The following DNAH6 variants were observed in gnomAD, a reference collection of about 807,000 sequenced individuals.
DNAH6 encodes the protein dynein axonemal heavy chain 6, also known as axonemal beta dynein heavy chain 6.
A neutral mutation model predicts 491.4 loss-of-function variants in DNAH6; 340 were observed. The ratio of observed to expected loss-of-function variants is 0.69; its 90% CI spans 0.63 to 0.76. The LOEUF is 0.76. Ranked by LOEUF, DNAH6 falls within the 30% of genes least tolerant of loss-of-function variation. DNAH6 has a pLI of 0.00. For missense variants in DNAH6, 4,443 were observed against 4,972.2 expected (o/e 0.89, Z 3.20); for synonymous variants, 1,603 against 1,686.1 (o/e 0.95, Z 1.21).
chr2:84,686,383 C>A, intron 43 of DNAH6, 101 bp from the exon 44 acceptor site: 1 of 695,128 alleles, frequency 1.4e-6, no homozygotes, highest in Non-Finnish European at 2.5e-6. Context: ...TTAATTAAGT[C>A]TTCTAAGTAA....
intron 21 of DNAH6, among the ~76,000 whole-genome samples, chr2:84,611,098 G>C (rs1374424194): frequency 6.6e-6 from 1 of 152,132 alleles, no homozygotes; most frequent in Non-Finnish European, 1.5e-5. Flanking sequence ...GAGGTCTATA[G>C]ACATTTAATT....
chr2:84,712,845 T>C (rs1697186828), intron 56 of DNAH6, among the ~76,000 whole-genome samples: 2 of 152,206 alleles, frequency 1.3e-5, no homozygotes, highest in Admixed American at 6.5e-5. Context: ...TGGAAATGAA[T>C]AGTGTGTAAG....
intron 58 of DNAH6, among the ~76,000 whole-genome samples, chr2:84,716,008 A>T (rs777149959): frequency 3.9e-5 from 6 of 152,072 alleles, no homozygotes; most frequent in Non-Finnish European, 7.4e-5. Flanking sequence ...CAGCTTCTCC[A>T]AATATATTTG....
chr2:84,715,629 T>TA lies in DNAH6; in HGVS notation c.9611+9dup, dbSNP rs541953058. ...AGGCCTGGAGGATCAGTTGTTAAGG[T>TA]AAAAAAACAGGGAGTTGAGGGGAGG... On this transcript the variant is annotated splice_region_variant and intron_variant, in intron 58 of 76. Coordinates refer to ENST00000389394, the MANE Select transcript of DNAH6 (RefSeq NM_001370.2). The TA allele has an allele frequency of 5.1e-5, 79 of 1,551,004 alleles. No individual in the cohort carries two copies. The highest frequency in any genetic ancestry group is 2.6e-4 in the African/African-American group (19 of 73,066).
chr2:84,506,075 G>A, the DNAH6 span, among the ~76,000 whole-genome samples: 13 of 152,204 alleles, frequency 8.5e-5, no homozygotes, highest in Non-Finnish European at 1.5e-4. Context: ...TATATACCCA[G>A]TAATGGGATT....
At position 84,703,521 on chromosome 2, in the gene DNAH6, C is replaced by G. The variant is rs1696130987; in HGVS notation, c.8188C>G (p.Leu2730Val). 1 of 1,551,258 alleles carries G rather than the reference C, an allele frequency of 6.4e-7. No individual in the cohort carries two copies. The highest frequency in any genetic ancestry group is 8.7e-7 in the Non-Finnish European group (1 of 1,146,756). ...LLAKSEDVEA[L>V]MEKLAVDQES... Reference sequence around the variant, plus strand: ...AGCAAAATCAGAAGATGTTGAAGCCCTGATGGAAAAATTGGCAGTGGATCA... The same window carrying G: ...AGCAAAATCAGAAGATGTTGAAGCCGTGATGGAAAAATTGGCAGTGGATCA... The change falls in exon 50 of 77, where the codon CTG becomes GTG. Residue 2730 changes from leucine (L) to valine (V), a missense_variant. Transcript: ENST00000389394.
chr2:84,510,345 C>T, the DNAH6 span, among the ~76,000 whole-genome samples: 1 of 152,154 alleles, frequency 6.6e-6, no homozygotes, highest in Non-Finnish European at 1.5e-5. Flanking sequence ...TCACTGATAC[C>T]CTTTCTTCCA....
intron 21 of DNAH6, among the ~76,000 whole-genome samples, chr2:84,607,601 T>TA (rs1685901094): frequency 6.6e-6 from 1 of 152,166 alleles, no homozygotes; most frequent in Non-Finnish European, 1.5e-5. Context: ...CATACCCATT[T>TA]AAAAAACCTG....
At chr2:84,498,591 C>T in the DNAH6 span, among the ~76,000 whole-genome samples, 1 of 152,104 alleles carries the variant, frequency 6.6e-6, no homozygotes. Flanking sequence ...AAGCCAAAGG[C>T]CTCCTGCTTC....
intron 68 of DNAH6, among the ~76,000 whole-genome samples, chr2:84,794,625 G>A (rs1475976952): frequency 1.3e-5 from 2 of 150,132 alleles, no homozygotes; most frequent in African/African-American, 4.9e-5. Context: ...AAACCACAAT[G>A]AGATACCATC....
intron 33 of DNAH6, among the ~76,000 whole-genome samples, chr2:84,648,669 C>T (rs542127503): frequency 6.6e-6 from 1 of 152,278 alleles, no homozygotes; most frequent in East Asian, 1.9e-4. Flanking sequence ...TGAATTGCTG[C>T]GATCTCATGA....
chr2:84,617,025 A>G, intron 23 of DNAH6, 43 bp downstream of exon 23: 1 of 1,080,226 alleles, frequency 9.3e-7, no homozygotes, highest in East Asian at 2.9e-5. Flanking sequence ...AGTAGTTATG[A>G]CTGTCAATCA....
intron 64 of DNAH6, chr2:84,778,125 A>G: frequency 1.3e-6 from 1 of 777,036 alleles, no homozygotes; most frequent in South Asian, 1.3e-5. Context: ...GGCACAGGCC[A>G]TGCCAACAGC....
intron 11 of DNAH6, among the ~76,000 whole-genome samples, chr2:84,558,516 T>C (rs1259598185): frequency 3.3e-5 from 5 of 151,894 alleles, no homozygotes; most frequent in African/African-American, 1.2e-4. Flanking sequence ...TTTGGGGAAG[T>C]AATCCTGGCT....
chr2:84,656,188 A>T (rs990916839), intron 35 of DNAH6, among the ~76,000 whole-genome samples: 3 of 152,114 alleles, frequency 2.0e-5, no homozygotes, highest in Non-Finnish European at 4.4e-5. Context: ...ACCACAGTTC[A>T]TGTACCAATT....
chr2:84,558,204 G>T (rs1187611350), intron 11 of DNAH6, among the ~76,000 whole-genome samples: 1 of 152,096 alleles, frequency 6.6e-6, no homozygotes, highest in Non-Finnish European at 1.5e-5. Context: ...GAGGCGGGCA[G>T]ATCACGAGGT....
At chr2:84,676,931 A>C in intron 40 of DNAH6, 74 bp from the exon 41 acceptor site, 1 of 1,497,720 alleles carries the variant, frequency 6.7e-7, no homozygotes, top group Non-Finnish European at 9.0e-7. Context: ...GCATTTGGGA[A>C]GTCCTACCAT....
chr2:84,819,493 G>A lies in DNAH6; in HGVS notation c.*85G>A. 1 of 789,222 alleles carries A rather than the reference G, an allele frequency of 1.3e-6. No homozygotes were observed. The allele number at this position is 789,222 out of a possible 1,614,324, so 48.9% of individuals were successfully genotyped here. ...AAAGGTTTGAATAATTTATATGTGA[G>A]CAAAACGGTGTTAATTCTGATTTGA... On this transcript the variant is annotated 3_prime_UTR_variant, in exon 77 of 77. Transcript: ENST00000389394.
At position 84,691,486 on chromosome 2, in the gene DNAH6, A is replaced by G. The variant is rs185518089; in HGVS notation, c.7293-2763A>G. On this transcript the variant is annotated intron_variant, in intron 45 of 76. Transcript: ENST00000389394. Reference sequence around the variant, plus strand: ...TCTTTGAGTAGATGTGTACTGTGGCAGACACATAGCAATGACAATGGTGCC... The same window carrying G: ...TCTTTGAGTAGATGTGTACTGTGGCGGACACATAGCAATGACAATGGTGCC... Among the ~76,000 whole-genome samples the G allele has an allele frequency of 1.1e-3, 162 of 152,368 alleles. 1 individual carries two copies. Among genetic ancestry groups the G allele is most frequent in the African/African-American group, 3.8e-3 (157 of 41,584 alleles).
Sources: gnomAD v4.1 joint callset for allele counts (sites outside exome capture counted in the v4.1 genomes callset) on GRCh38, gnomAD v4.1.1 for gene constraint, MANE v1.5 for transcripts, NCBI Gene and HGNC (gene_info 2026-07-23, HGNC 2026-07-21) for gene names.